PID1: variants seen among roughly 807,000 people sequenced by gnomAD.
PID1 encodes the protein phosphotyrosine interaction domain containing 1, also known as PTB-containing, cubilin and LRP1-interacting protein.
PID1 carries 10 observed loss-of-function variants against 19.1 expected under a neutral mutation model. The ratio of observed to expected loss-of-function variants is 0.52; its 90% CI spans 0.32 to 0.89. The LOEUF is 0.89. PID1 is among the 40% of genes least tolerant of loss of function. The pLI, the probability that PID1 is intolerant of heterozygous loss-of-function variation, is 0.03. For missense variants in PID1, 248 were observed against 285.3 expected (o/e 0.87, Z 0.94); for synonymous variants, 130 against 116.0 (o/e 1.12, Z -0.78).
At chr2:229,035,152 G>T (rs1415637707) in intron 2 of PID1, among the ~76,000 whole-genome samples, 2 of 152,180 alleles carry the variant, frequency 1.3e-5, no homozygotes, top group African/African-American at 4.8e-5. Flanking sequence ...TGCTGTGAAG[G>T]TATTCTTTTT....
At chr2:229,235,681 G>T (rs770248791) in intron 1 of PID1, among the ~76,000 whole-genome samples, 2 of 152,158 alleles carry the variant, frequency 1.3e-5, no homozygotes, top group Non-Finnish European at 2.9e-5. Flanking sequence ...GCAAGGAAAG[G>T]GTGAGCTCAT....
intron 2 of PID1, among the ~76,000 whole-genome samples, chr2:229,110,739 T>C (rs944397227): frequency 1.3e-5 from 2 of 152,144 alleles, no homozygotes; most frequent in South Asian, 4.1e-4. Context: ...GCAGTTATTG[T>C]CCAGTCCTTG....
At chr2:229,260,374 A>G (rs1211288997) in intron 1 of PID1, among the ~76,000 whole-genome samples, 1 of 152,028 alleles carries the variant, frequency 6.6e-6, no homozygotes, top group Non-Finnish European at 1.5e-5. Flanking sequence ...AATTCTACAC[A>G]GGTGCTAAAA....
chr2:229,230,320 A>G lies in PID1; in HGVS notation c.30+40694T>C, dbSNP rs367659329. On this transcript the variant is annotated intron_variant, in intron 1 of 2. Transcript: ENST00000392055. ...GAGAGAGAAAGAAAGAGAGGGAGAG[A>G]CAGAGACTGACTGAATAGAATAATA... 1.4e-3 allele frequency among the ~76,000 whole-genome samples: 216 copies of G among 152,348 alleles called. 1 individual carries two copies. Among genetic ancestry groups the G allele is most frequent in the African/African-American group, 5.1e-3 (210 of 41,580 alleles).
chr2:229,256,322 T>G (rs1574762918), intron 1 of PID1, among the ~76,000 whole-genome samples: 1 of 152,298 alleles, frequency 6.6e-6, no homozygotes, highest in Non-Finnish European at 1.5e-5. Context: ...TCCTCTAATT[T>G]TCGAACCCTG....
intron 2 of PID1, among the ~76,000 whole-genome samples, chr2:229,135,978 T>C (rs143634170): frequency 6.6e-6 from 1 of 152,210 alleles, no homozygotes; most frequent in Non-Finnish European, 1.5e-5. Flanking sequence ...GCCTTTTTAC[T>C]CTTGCCTTGA....
chr2:229,202,609 G>C (rs1199648056), intron 1 of PID1, among the ~76,000 whole-genome samples: 1 of 151,924 alleles, frequency 6.6e-6, no homozygotes, highest in African/African-American at 2.4e-5. Context: ...CTCAGGTAAG[G>C]CATAAATAAT....
At chr2:229,250,878 CT>C (rs1374074565) in intron 1 of PID1, among the ~76,000 whole-genome samples, 1 of 152,122 alleles carries the variant, frequency 6.6e-6, no homozygotes, top group African/African-American at 2.4e-5. Flanking sequence ...TGATTGAAAC[CT>C]TCTTGAGCAC....
intron 2 of PID1, among the ~76,000 whole-genome samples, chr2:229,086,306 A>G (rs1694765694): frequency 6.6e-6 from 1 of 152,180 alleles, no homozygotes; most frequent in African/African-American, 2.4e-5. Flanking sequence ...TAATGTAAAC[A>G]CGCTCAGAAC....
intron 2 of PID1, 73 bp from the exon 3 acceptor site, chr2:229,026,181 GC>G: frequency 1.0e-6 from 1 of 979,306 alleles, no homozygotes; most frequent in Non-Finnish European, 1.6e-6. Context: ...TGAATGAGTA[GC>G]TGTTCCACAC....
At chr2:229,091,127 C>A (rs1694866991) in intron 2 of PID1, among the ~76,000 whole-genome samples, 1 of 152,010 alleles carries the variant, frequency 6.6e-6, no homozygotes, top group Non-Finnish European at 1.5e-5. Context: ...AATAAACATA[C>A]TTCCATCTAT....
intron 1 of PID1, among the ~76,000 whole-genome samples, chr2:229,251,120 G>A (rs910821709): frequency 1.3e-5 from 2 of 152,128 alleles, no homozygotes; most frequent in Non-Finnish European, 2.9e-5. Flanking sequence ...CATCCAAAAT[G>A]TTGCCGACCC....
At chr2:229,056,308 C>T (rs936806165) in intron 2 of PID1, among the ~76,000 whole-genome samples, 7 of 152,138 alleles carry the variant, frequency 4.6e-5, no homozygotes, top group Non-Finnish European at 1.0e-4. Flanking sequence ...GAGAGTGCCA[C>T]ATAACAAGCC....
At chr2:229,269,034 C>T (rs1690666180) in intron 1 of PID1, among the ~76,000 whole-genome samples, 1 of 151,814 alleles carries the variant, frequency 6.6e-6, no homozygotes, top group Non-Finnish European at 1.5e-5. Flanking sequence ...AAAATTTTTC[C>T]GCATTTGTCT....
chr2:229,189,295 G>A (rs761858819), intron 1 of PID1, among the ~76,000 whole-genome samples: 1 of 152,190 alleles, frequency 6.6e-6, no homozygotes, highest in Non-Finnish European at 1.5e-5. Context: ...GCCAATGTGA[G>A]GTCAATGCAC....
At chr2:229,178,780 T>C (rs1690878384) in intron 1 of PID1, among the ~76,000 whole-genome samples, 1 of 152,196 alleles carries the variant, frequency 6.6e-6, no homozygotes, top group Admixed American at 6.5e-5. Flanking sequence ...ACACATCCTC[T>C]GACATTTCAG....
At chr2:229,127,863 C>G (rs1264323289) in intron 2 of PID1, among the ~76,000 whole-genome samples, 1 of 152,180 alleles carries the variant, frequency 6.6e-6, no homozygotes, top group African/African-American at 2.4e-5. Context: ...GTAGGTGTTC[C>G]TATCTGTCTG....
intron 1 of PID1, among the ~76,000 whole-genome samples, chr2:229,229,677 A>C (rs1268446812): frequency 2.0e-5 from 3 of 152,218 alleles, no homozygotes; most frequent in Admixed American, 6.5e-5. Context: ...GATTTTAAAC[A>C]CTGTTATATA....
intron 1 of PID1, among the ~76,000 whole-genome samples, chr2:229,166,022 T>C (rs1026557594): frequency 6.6e-6 from 1 of 152,196 alleles, no homozygotes; most frequent in South Asian, 2.1e-4. Flanking sequence ...TGTACACAAA[T>C]GCTCACAGTA....
Sources: gnomAD v4.1 joint callset for allele counts (sites outside exome capture counted in the v4.1 genomes callset) on GRCh38, gnomAD v4.1.1 for gene constraint, MANE v1.5 for transcripts, NCBI Gene and HGNC (gene_info 2026-07-23, HGNC 2026-07-21) for gene names.